Variants in DMD observed in about 807,000 individuals in gnomAD.
DMD encodes the protein mutant dystrophin.
DMD carries 63 observed loss-of-function variants against 330.1 expected under a neutral mutation model. The observed-to-expected ratio is 0.19, with a 90% CI of 0.16 to 0.24. DMD has a LOEUF of 0.24. Ranked by LOEUF, DMD falls within the 10% of genes least tolerant of loss-of-function variation. The probability of loss-of-function intolerance (pLI) is 1.00; values close to 1 mark genes in which losing one functional copy is unlikely to be tolerated. For synonymous variants in DMD, 1,223 were observed against 959.8 expected (o/e 1.27, Z -5.07); for missense variants, 3,344 against 2,684.1 (o/e 1.25, Z -5.43).
intron 25 of DMD, among the ~76,000 whole-genome samples, chrX:32,462,702 T>A (rs1442951549): frequency 9.0e-6 from 1 of 111,218 alleles, no homozygotes; most frequent in Non-Finnish European, 1.9e-5. Context: ...ACACCTATAA[T>A]TCCAGCATTT....
In DMD at chrX:32,345,716, A is replaced by G. The variant is rs763230309; in HGVS notation, c.5586+227T>C. On this transcript the variant is annotated intron_variant, in intron 39 of 78. Coordinates refer to ENST00000357033, the MANE Select transcript of DMD (RefSeq NM_004006.3). ...ACTATGAATGCATTCCCATCTTTCA[A>G]TTACTACTTAGAAAAATATGTCTTT... Among the ~76,000 whole-genome samples, 4 of 110,783 alleles carry G rather than the reference A, an allele frequency of 3.6e-5. No individual in the cohort carries two copies. In the South Asian group the frequency reaches 1.5e-3, roughly 42 times the overall value.
intron 9 of DMD, among the ~76,000 whole-genome samples, chrX:32,681,923 G>A (rs7881079): frequency 0.14 from 15,420 of 110,852 alleles, 2,554 homozygotes; most frequent in African/African-American, 0.47. Context: ...ATAACTGGGG[G>A]AAAAACCCTT....
chrX:32,755,198 A>C (rs1448051082), intron 7 of DMD, among the ~76,000 whole-genome samples: 1 of 110,663 alleles, frequency 9.0e-6, no homozygotes, highest in Non-Finnish European at 1.9e-5. Context: ...CTCAATAATG[A>C]AAGCTCAACT....
chrX:31,638,048 G>T (rs1332482310), intron 54 of DMD, among the ~76,000 whole-genome samples: 2 of 111,572 alleles, frequency 1.8e-5, no homozygotes, highest in Admixed American at 9.6e-5. Context: ...CTGAGTTTCT[G>T]TTACTCTTCC....
rs2069003162 is a variant in DMD at position 32,739,836 on chromosome X, A to T, written c.650-40543T>A. Among the ~76,000 whole-genome samples, 4 of 110,334 alleles carry T rather than the reference A, an allele frequency of 3.6e-5. No homozygotes were observed. The Admixed American group carries it at 3.9e-4, about 11-fold the overall frequency. ...TGAGAAGTGCAACCGCTCTGGCTGTACTCTAGACCTACAGGATGAGAAACT... is the reference window on the plus strand; with the variant it reads ...TGAGAAGTGCAACCGCTCTGGCTGTTCTCTAGACCTACAGGATGAGAAACT... On this transcript the variant is annotated intron_variant, in intron 7 of 78. Coordinates refer to ENST00000357033, the MANE Select transcript of DMD (RefSeq NM_004006.3).
At chrX:33,097,278 G>GA (rs1158773849) in intron 1 of DMD, among the ~76,000 whole-genome samples, 1 of 108,747 alleles carries the variant, frequency 9.2e-6, no homozygotes, top group Admixed American at 1.0e-4. Context: ...CATAGAAGCA[G>GA]AAAAAAAATA....
intron 1 of DMD, among the ~76,000 whole-genome samples, chrX:33,080,963 T>TA (rs2094919171): frequency 1.0e-5 from 1 of 97,658 alleles, no homozygotes; most frequent in Admixed American, 1.1e-4. Context: ...ATCAGAGCTC[T>TA]TTTATAAACA....
At position 33,010,073 on chromosome X, in the gene DMD, A is replaced by ATATATACGTGTATATATACAC. The variant is rs1569549210; in HGVS notation, c.93+10065_93+10066insGTGTATATATACACGTATATA. ...GTATATATACGTGTATATATACACAAATGTGCACATGTGTATATATACATG... is the reference window on the plus strand; with the variant it reads ...GTATATATACGTGTATATATACACAATATATACGTGTATATATACACATGTGCACATGTGTATATATACATG... On this transcript the variant is annotated intron_variant, in intron 2 of 78. Transcript: ENST00000357033. Among the ~76,000 whole-genome samples, 5 of 53,689 alleles carry ATATATACGTGTATATATACAC rather than the reference A, an allele frequency of 9.3e-5. 2 individuals are homozygous for ATATATACGTGTATATATACAC. Among genetic ancestry groups the ATATATACGTGTATATATACAC allele is most frequent in the African/African-American group, 5.6e-4 (5 of 8,902 alleles). 46.6% of individuals were successfully genotyped at this position (53,689 alleles called of 115,157 possible).
intron 31 of DMD, 123 bp from the exon 32 acceptor site, chrX:32,389,797 A>C: frequency 5.5e-6 from 4 of 726,964 alleles, no homozygotes; most frequent in Non-Finnish European, 8.2e-6. Flanking sequence ...AACAAAATAA[A>C]GCAGTATTTT....
At chrX:31,410,565 C>T (rs1174845346) in intron 60 of DMD, among the ~76,000 whole-genome samples, 1 of 110,742 alleles carries the variant, frequency 9.0e-6, no homozygotes, top group African/African-American at 3.3e-5. Context: ...ATTCTATGTA[C>T]AATTTGGCCT....
intron 44 of DMD, among the ~76,000 whole-genome samples, chrX:32,142,751 C>T (rs1284596617): frequency 8.9e-6 from 1 of 112,347 alleles, no homozygotes; most frequent in Non-Finnish European, 1.9e-5. Context: ...AGTAAAAGCT[C>T]TGTGCATGCT....
chrX:31,172,437 T>C, intron 72 of DMD, 24 bp from the exon 73 acceptor site: 1 of 1,115,082 alleles, frequency 9.0e-7, no homozygotes, highest in Non-Finnish European at 1.2e-6. Context: ...TAAAAGCTCA[T>C]TAAAACTTAT....
chrX:31,676,792 T>C (rs1470426649), intron 53 of DMD, among the ~76,000 whole-genome samples: 2 of 112,479 alleles, frequency 1.8e-5, no homozygotes, highest in East Asian at 5.5e-4. Flanking sequence ...TAAACCAATA[T>C]ATATAAAGTG....
chrX:32,069,087 G>T (rs1323666381), intron 44 of DMD, among the ~76,000 whole-genome samples: 1 of 111,521 alleles, frequency 9.0e-6, no homozygotes, highest in African/African-American at 3.3e-5. Flanking sequence ...GTTTGTGGTG[G>T]AATCGTAGGC....
Position 31,223,039 on chromosome X carries a change from A to G in DMD, c.9361+8T>C, listed in dbSNP as rs768282679. On this transcript the variant is annotated splice_region_variant and intron_variant, in intron 64 of 78. Transcript: ENST00000357033. ...TATCAAGATCTTCAAATACTGGCCA[A>G]TACTTACAGCAAAGGGCCTTCTGCA... 15 of 1,202,152 alleles carry G rather than the reference A, an allele frequency of 1.2e-5. No homozygotes were observed. Among genetic ancestry groups the G allele is most frequent in the South Asian group, 8.8e-5 (5 of 56,750 alleles).
chrX:33,128,005 A>G (rs2095475623), intron 1 of DMD: 1 of 1,115,606 alleles, frequency 9.0e-7, no homozygotes, highest in Non-Finnish European at 1.2e-6. Flanking sequence ...AGAAAGGCAT[A>G]TGGAACAGGA....
chrX:32,609,742 T>C (rs2057014952), intron 12 of DMD, among the ~76,000 whole-genome samples: 2 of 111,210 alleles, frequency 1.8e-5, no homozygotes, highest in Non-Finnish European at 3.8e-5. Context: ...ACTTAGTTTG[T>C]ATTAATCAGT....
intron 27 of DMD, among the ~76,000 whole-genome samples, chrX:32,442,733 A>T (rs1208907281): frequency 4.5e-5 from 5 of 110,978 alleles, no homozygotes; most frequent in Non-Finnish European, 7.6e-5. Context: ...GTAATCAAAA[A>T]AAAGGAAATA....
rs149234783 is a variant in DMD at position 33,193,653 on chromosome X, G to A, written c.31+17629C>T. Among the ~76,000 whole-genome samples the A allele has an allele frequency of 1.5e-3, 163 of 112,138 alleles. 1 individual carries two copies. Among genetic ancestry groups the A allele is most frequent in the African/African-American group, 4.8e-3 (148 of 30,910 alleles). On this transcript the variant is annotated intron_variant, in intron 1 of 78. Coordinates refer to ENST00000357033, the MANE Select transcript of DMD (RefSeq NM_004006.3). ...AGTTTAATGTGAACAATTGAAACGCGCATGCAAAACTCAAATGAATTGTAT... is the reference window on the plus strand; with the variant it reads ...AGTTTAATGTGAACAATTGAAACGCACATGCAAAACTCAAATGAATTGTAT...
Sources: gnomAD v4.1 joint callset for allele counts (sites outside exome capture counted in the v4.1 genomes callset) on GRCh38, gnomAD v4.1.1 for gene constraint, MANE v1.5 for transcripts, NCBI Gene and HGNC (gene_info 2026-07-23, HGNC 2026-07-21) for gene names.